TTLL5: variants seen among roughly 807,000 people sequenced by gnomAD.
TTLL5 encodes the protein tubulin polyglutamylase TTLL5.
In TTLL5, 132 loss-of-function variants were observed where a neutral mutation model predicts 168.4. The ratio of observed to expected loss-of-function variants is 0.78; its 90% CI spans 0.68 to 0.91. The LOEUF is 0.91. Ranked by LOEUF, TTLL5 falls within the 40% of genes least tolerant of loss-of-function variation. The probability of loss-of-function intolerance (pLI) is 0.00; values close to 1 mark genes in which losing one functional copy is unlikely to be tolerated. For synonymous variants in TTLL5, 546 were observed against 558.6 expected, an observed-to-expected ratio of 0.98 and a Z score of 0.32; for missense variants, 1,545 against 1,581.5, an observed-to-expected ratio of 0.98 and a Z score of 0.39.
At chr14:75,927,371 G>A (rs1030682092) in intron 31 of TTLL5, among the ~76,000 whole-genome samples, 5 of 151,902 alleles carry the variant, frequency 3.3e-5, no homozygotes, top group Non-Finnish European at 5.9e-5. Flanking sequence ...CCATCCCCCC[G>A]TTTTGTGTAT....
At chr14:75,813,968 A>G (rs1191308939) in intron 27 of TTLL5, among the ~76,000 whole-genome samples, 1 of 152,188 alleles carries the variant, frequency 6.6e-6, no homozygotes, top group Non-Finnish European at 1.5e-5. Context: ...AGAGAAGCCA[A>G]CTGGCCCAAT....
In TTLL5 at chr14:75,783,153, C is replaced by T. The variant is rs1305717168; in HGVS notation, c.2609C>T (p.Thr870Ile). 6.2e-7 allele frequency: 1 copy of T among 1,606,400 alleles called. No homozygotes were observed. The highest frequency in any genetic ancestry group is 1.3e-5 in the African/African-American group (1 of 74,808). The change falls in exon 26 of 32, where the codon ACC becomes ATC. Residue 870 changes from threonine (T) to isoleucine (I), a missense_variant. By Grantham distance (89) the Thr-to-Ile change is moderately conservative. Coordinates refer to ENST00000298832, the MANE Select transcript of TTLL5 (RefSeq NM_015072.5). ...TTTGTTTTGTTTTTAATAGGATTTA[C>T]CACTTCAGCAGAAAAAGAGGCAAAA... ...EIHSDKLSRF[T>I]TSAEKEAKLV...
intron 6 of TTLL5, among the ~76,000 whole-genome samples, chr14:75,691,840 G>A (rs1885486340): frequency 6.6e-6 from 1 of 152,230 alleles, no homozygotes; most frequent in Admixed American, 6.5e-5. Flanking sequence ...TGTTAGGCTT[G>A]CCAGTCTCTC....
intron 31 of TTLL5, among the ~76,000 whole-genome samples, chr14:75,914,033 A>AAAAAAAAATATATATAT: frequency 2.8e-5 from 2 of 71,100 alleles, no homozygotes; most frequent in African/African-American, 1.5e-4. Context: ...AAAAAAAAAA[A>AAAAAAAAATATATATAT]ATATATATAT....
chr14:75,923,076 C>T (rs753110893), intron 31 of TTLL5, among the ~76,000 whole-genome samples: 9 of 151,984 alleles, frequency 5.9e-5, no homozygotes, highest in Non-Finnish European at 1.2e-4. Flanking sequence ...TTTTTTATTG[C>T]GTCTATTTGA....
chr14:75,698,016 A>T (rs1885989673), intron 6 of TTLL5, among the ~76,000 whole-genome samples: 1 of 152,118 alleles, frequency 6.6e-6, no homozygotes, highest in South Asian at 2.1e-4. Context: ...AAAACAAAAA[A>T]TTCTCTCAAT....
intron 28 of TTLL5, among the ~76,000 whole-genome samples, chr14:75,820,925 G>A (rs948428712): frequency 6.6e-6 from 1 of 152,100 alleles, no homozygotes; most frequent in Admixed American, 6.6e-5. Context: ...GACTGTTACA[G>A]TGAAGTATTT....
At chr14:75,761,982 T>C in intron 18 of TTLL5, among the ~76,000 whole-genome samples, 1 of 152,160 alleles carries the variant, frequency 6.6e-6, no homozygotes, top group East Asian at 1.9e-4. Flanking sequence ...GGATATATGA[T>C]TGGATATATA....
At position 75,766,287 on chromosome 14, in the gene TTLL5, G is replaced by A. The variant is rs1273594283; in HGVS notation, c.1934G>A (p.Gly645Glu). 3 of 1,613,916 alleles carry A rather than the reference G, an allele frequency of 1.9e-6. No homozygotes were observed. ...GTTCGTGAATGGAATAATAAAGGTG[G>A]ACACTGCTGCAAACTTGAGACTCAG... ...MKVREWNNKG[G>E]HCCKLETQEL... Residue 645 changes from glycine to glutamate, a missense_variant, in exon 20 of 32, where the codon GGA (glycine) becomes GAA (glutamate). Physicochemically the swap from Gly to Glu is moderately conservative, Grantham distance 98. Transcript: ENST00000298832.
At chr14:75,753,886 G>A (rs937107245) in intron 18 of TTLL5, among the ~76,000 whole-genome samples, 2 of 152,040 alleles carry the variant, frequency 1.3e-5, no homozygotes, top group African/African-American at 2.4e-5. Context: ...GTTCTGATAC[G>A]TCATTTTTCA....
At chr14:75,867,111 G>A (rs1040267337) in intron 29 of TTLL5, among the ~76,000 whole-genome samples, 1 of 152,186 alleles carries the variant, frequency 6.6e-6, no homozygotes, top group Non-Finnish European at 1.5e-5. Flanking sequence ...GCAGGCCATA[G>A]CATCTCTGTT....
At chr14:75,727,542 G>A (rs1403804760) in intron 12 of TTLL5, among the ~76,000 whole-genome samples, 2 of 152,268 alleles carry the variant, frequency 1.3e-5, no homozygotes, top group South Asian at 2.1e-4. Flanking sequence ...GTGGGAGTGC[G>A]ACTGGAGAGG....
chr14:75,896,033 C>T (rs1441062901), intron 30 of TTLL5, among the ~76,000 whole-genome samples: 1 of 152,136 alleles, frequency 6.6e-6, no homozygotes, highest in Non-Finnish European at 1.5e-5. Flanking sequence ...AGATAATATG[C>T]AGTATATTTA....
intron 28 of TTLL5, among the ~76,000 whole-genome samples, chr14:75,851,575 A>C (rs1896857202): frequency 6.6e-6 from 1 of 152,056 alleles, no homozygotes; most frequent in Non-Finnish European, 1.5e-5. Flanking sequence ...CACAGGAGCC[A>C]CTCTGCCCAG....
At chr14:75,837,337 G>C (rs919374242) in intron 28 of TTLL5, 1 of 152,188 alleles carries the variant, frequency 6.6e-6, no homozygotes, top group African/African-American at 2.4e-5. Flanking sequence ...TAATTCAACA[G>C]AGAGTAGGGT....
At chr14:75,906,051 G>A (rs996929053) in intron 31 of TTLL5, among the ~76,000 whole-genome samples, 1 of 152,186 alleles carries the variant, frequency 6.6e-6, no homozygotes, top group Non-Finnish European at 1.5e-5. Context: ...GGATGGGGAT[G>A]GGGCAACAGC....
In TTLL5 at chr14:75,717,900, T is replaced by G. The variant is rs754612100; in HGVS notation, c.780T>G (p.Ile260Met). Residue 260 changes from isoleucine to methionine, a missense_variant, in exon 10 of 32, where the codon ATT (isoleucine) becomes ATG (methionine). By Grantham distance (10) the Ile-to-Met change is conservative. Transcript: ENST00000298832. Reference sequence around the variant, plus strand: ...GATATGATCAAGGAGCCAAGAACATTCGGAACCAGTTCATGCATCTGACAA... The same window carrying G: ...GATATGATCAAGGAGCCAAGAACATGCGGAACCAGTTCATGCATCTGACAA... ...TVRYDQGAKNIRNQFMHLTNY... is the reference protein window; with the variant it reads ...TVRYDQGAKNMRNQFMHLTNY... 5 of 1,613,750 alleles carry G rather than the reference T, an allele frequency of 3.1e-6. No individual in the cohort carries two copies. The highest frequency in any genetic ancestry group is 3.3e-5 in the Admixed American group (2 of 59,980).
At chr14:75,942,131 T>C (rs954392862) in intron 31 of TTLL5, among the ~76,000 whole-genome samples, 2 of 150,534 alleles carry the variant, frequency 1.3e-5, no homozygotes, top group Admixed American at 6.6e-5. Flanking sequence ...TGCAGTGAGC[T>C]GAGATCATGC....
chr14:75,780,348 T>C (rs890698187), intron 24 of TTLL5, among the ~76,000 whole-genome samples: 1 of 152,186 alleles, frequency 6.6e-6, no homozygotes, highest in African/African-American at 2.4e-5. Flanking sequence ...CCGCCAGCCA[T>C]TGTGATAATC....
Sources: allele counts gnomAD v4.1 joint callset (sites outside exome capture counted in the v4.1 genomes callset), GRCh38; gene constraint gnomAD v4.1.1; transcripts MANE v1.5; gene names NCBI Gene and HGNC (gene_info 2026-07-23, HGNC 2026-07-21).